RPS6KA2: variants seen among roughly 807,000 people sequenced by gnomAD.
RPS6KA2 encodes ribosomal protein S6 kinase alpha-2.
Under a neutral mutation model 91.8 loss-of-function variants are expected in RPS6KA2, and 42 were observed. The ratio of observed to expected loss-of-function variants is 0.46; its 90% CI spans 0.36 to 0.59. The LOEUF (loss-of-function observed/expected upper bound fraction) is 0.59, where lower values mean the gene tolerates loss of function less well. Ranked by LOEUF, RPS6KA2 falls within the 20% of genes least tolerant of loss-of-function variation. RPS6KA2 has a pLI of 0.00. For synonymous variants in RPS6KA2, 414 were observed against 393.6 expected (o/e 1.05, Z -0.61); for missense variants, 798 against 978.5 (o/e 0.82, Z 2.46).
Position 166,412,745 on chromosome 6 carries a change from G to T in RPS6KA2, c.*17C>A. On this transcript the variant is annotated 3_prime_UTR_variant, in exon 21 of 21. Coordinates refer to ENST00000265678, the MANE Select transcript of RPS6KA2 (RefSeq NM_021135.6). This position sits in a 1 kb window ranked among gnomAD's most constrained non-coding sequence, Gnocchi z 4.3. ...CGAGGATGCTGGCAGGGGACGCTGG[G>T]GCCAGGGTCCCACCCGCTACAGCCG... is the stretch of plus-strand genomic sequence containing the variant. 1 of 1,578,674 alleles carries T rather than the reference G, an allele frequency of 6.3e-7. No homozygotes were observed.
intron 1 of RPS6KA2, among the ~76,000 whole-genome samples, chr6:166,573,210 C>G (rs905550529): frequency 9.2e-5 from 14 of 152,214 alleles, no homozygotes; most frequent in African/African-American, 3.4e-4. Context: ...ACAAATCCAG[C>G]TCCTCTGCCC....
intron 2 of RPS6KA2, among the ~76,000 whole-genome samples, chr6:166,815,599 T>C (rs1779740503): frequency 6.6e-6 from 1 of 152,166 alleles, no homozygotes; most frequent in South Asian, 2.1e-4. Context: ...AAGGAAAAAT[T>C]CCATGGAGAG....
At chr6:166,564,060 T>C (rs997264765) in intron 1 of RPS6KA2, among the ~76,000 whole-genome samples, 3 of 152,206 alleles carry the variant, frequency 2.0e-5, no homozygotes, top group Admixed American at 6.5e-5. Context: ...CAACCTGCTG[T>C]GGATAATAAA....
chr6:166,768,661 A>G (rs979632077), intron 2 of RPS6KA2, among the ~76,000 whole-genome samples: 3 of 152,220 alleles, frequency 2.0e-5, no homozygotes, highest in Non-Finnish European at 4.4e-5. Flanking sequence ...AACCAGAATG[A>G]TCAGCAGAGG....
chr6:166,564,937 C>A (rs1053718031), intron 1 of RPS6KA2, among the ~76,000 whole-genome samples: 2 of 152,136 alleles, frequency 1.3e-5, no homozygotes, highest in Non-Finnish European at 2.9e-5. Context: ...ATGTCTGAGC[C>A]GTCATCTGTG....
intron 4 of RPS6KA2, 79 bp downstream of exon 4, chr6:166,510,198 T>C (rs1782412189): frequency 5.6e-6 from 5 of 885,268 alleles, no homozygotes; most frequent in Non-Finnish European, 9.2e-6. Context: ...TTCTGATCTG[T>C]TATTTCTTTT....
At chr6:166,855,341 A>AGAT (rs1472706496) in intron 2 of RPS6KA2, among the ~76,000 whole-genome samples, 20 of 58,266 alleles carry the variant, frequency 3.4e-4, no homozygotes, top group Admixed American at 2.3e-3. Flanking sequence ...AAGACGAAGA[A>AGAT]GACGAAGAAG....
At chr6:166,674,281 A>G (rs1788559183) in intron 2 of RPS6KA2, among the ~76,000 whole-genome samples, 1 of 152,208 alleles carries the variant, frequency 6.6e-6, no homozygotes, top group African/African-American at 2.4e-5. Flanking sequence ...ATTGACTTTG[A>G]TTGGGGACAG....
In RPS6KA2 at chr6:166,496,467, T is replaced by C. The variant is rs866121563; in HGVS notation, c.747+2041A>G. Among the ~76,000 whole-genome samples, 7 of 152,116 alleles carry C rather than the reference T, an allele frequency of 4.6e-5. No homozygotes were observed. The South Asian group carries it at 1.5e-3, about 32-fold the overall frequency. On this transcript the variant is annotated intron_variant, in intron 8 of 20. Transcript: ENST00000265678. ...CCTTAATAGAAGAAACAGAAGACTA[T>C]CAAATCTCCCCTCCCCCTGTCCCCC...
intron 2 of RPS6KA2, among the ~76,000 whole-genome samples, chr6:166,669,840 G>A (rs1332097202): frequency 6.6e-6 from 1 of 152,248 alleles, no homozygotes; most frequent in Non-Finnish European, 1.5e-5. Flanking sequence ...GTCCAGGGTA[G>A]GCCAGGGCCT....
chr6:166,582,470 C>T (rs1406280501), intron 1 of RPS6KA2, among the ~76,000 whole-genome samples: 2 of 152,156 alleles, frequency 1.3e-5, no homozygotes, highest in African/African-American at 2.4e-5. Flanking sequence ...ATTAGTTGGG[C>T]GGAGATGAAT....
chr6:166,599,741 G>C (rs1035116814), intron 1 of RPS6KA2, among the ~76,000 whole-genome samples: 1 of 152,238 alleles, frequency 6.6e-6, no homozygotes, highest in Non-Finnish European at 1.5e-5. Context: ...TAGCAGGAGT[G>C]TTAGCCCAAT....
At chr6:166,640,803 G>A (rs1414603258) in intron 2 of RPS6KA2, among the ~76,000 whole-genome samples, 1 of 147,140 alleles carries the variant, frequency 6.8e-6, no homozygotes, top group Non-Finnish European at 1.5e-5. Context: ...TCAGTGGGGG[G>A]CCAAGCAGGG....
At chr6:166,480,497 A>ATATATAT (rs1275299865) in intron 10 of RPS6KA2, among the ~76,000 whole-genome samples, 4 of 133,686 alleles carry the variant, frequency 3.0e-5, no homozygotes, top group African/African-American at 1.2e-4. Context: ...ATATATATAT[A>ATATATAT]TATATATATA....
chr6:166,529,553 T>C (rs1783192749), intron 3 of RPS6KA2, among the ~76,000 whole-genome samples: 1 of 152,128 alleles, frequency 6.6e-6, no homozygotes, highest in African/African-American at 2.4e-5. Flanking sequence ...ACGTGTACCC[T>C]AGCACTTAAA....
intron 2 of RPS6KA2, among the ~76,000 whole-genome samples, chr6:166,748,009 C>T (rs532110825): frequency 8.3e-4 from 127 of 152,274 alleles, no homozygotes; most frequent in Non-Finnish European, 3.1e-4. Flanking sequence ...AATGTGCCAA[C>T]GGTCCCTGTA....
intron 1 of RPS6KA2, among the ~76,000 whole-genome samples, chr6:166,553,500 A>T: frequency 6.7e-6 from 1 of 149,340 alleles, no homozygotes; most frequent in Non-Finnish European, 1.5e-5. Context: ...CTTGGGAAAG[A>T]AACAGGAGTC....
rs1470967072 is a variant in RPS6KA2 at position 166,500,579 on chromosome 6, C to T, written c.604+308G>A. 6.6e-6 allele frequency among the ~76,000 whole-genome samples: 1 copy of T among 152,178 alleles called. No homozygotes were observed. Among genetic ancestry groups the T allele is most frequent in the East Asian group, 1.9e-4 (1 of 5,188 alleles). On this transcript the variant is annotated intron_variant, in intron 7 of 20. Transcript: ENST00000265678. This position sits in a 1 kb window ranked among gnomAD's most constrained non-coding sequence, Gnocchi z 4.3. ...TCCAGCAAGACTCCAGATGTCTGCA[C>T]TAAGGTCAGCACTGGGCACTGGGAC...
At chr6:166,807,630 G>A (rs963188684) in intron 2 of RPS6KA2, among the ~76,000 whole-genome samples, 1 of 151,786 alleles carries the variant, frequency 6.6e-6, no homozygotes, top group Non-Finnish European at 1.5e-5. Context: ...CTGGCCTGGT[G>A]ACCTCTGCGG....
Sources: gnomAD v4.1 joint callset for allele counts (sites outside exome capture counted in the v4.1 genomes callset) on GRCh38, gnomAD v4.1.1 for gene constraint, Gnocchi (gnomAD v3.1) non-coding constraint, MANE v1.5 for transcripts, NCBI Gene and HGNC (gene_info 2026-07-23, HGNC 2026-07-21) for gene names.